RPS5: variants seen among roughly 807,000 people sequenced by gnomAD.
RPS5 encodes small ribosomal subunit protein uS7.
A neutral mutation model predicts 20.9 loss-of-function variants in RPS5; 2 were observed. The ratio of observed to expected loss-of-function variants is 0.10; its 90% confidence interval spans 0.04 to 0.30. RPS5 has a LOEUF of 0.30. Ranked by LOEUF, RPS5 falls within the 10% of genes least tolerant of loss-of-function variation. The pLI is 1.00. For synonymous variants in RPS5, 112 were observed against 105.8 expected (o/e 1.06, Z -0.36); for missense variants, 122 against 287.2 (o/e 0.42, Z 4.16).
At chr19:58,387,741 G>C (rs2052335545) in intron 1 of RPS5, 1 of 241,756 alleles carries the variant, frequency 4.1e-6, no homozygotes, top group Non-Finnish European at 8.4e-6. Flanking sequence ...GTCATATAAC[G>C]GTCCCGCCTC....
rs562012326 is a variant in RPS5, at chr19:58,393,100, T to C, written c.233T>C (p.Met78Thr). Residue 78 changes from methionine (M) to threonine (T), a missense_variant, in exon 3 of 6, where the codon ATG (methionine) becomes ACG (threonine). Transcript: ENST00000196551. Reference sequence around the variant, plus strand: ...GAGCGCCTCACTAACTCCATGATGATGCACGGCCGCAACAACGGCAAGAAG... The same window carrying C: ...GAGCGCCTCACTAACTCCATGATGACGCACGGCCGCAACAACGGCAAGAAG... ...IVERLTNSMM[M>T]HGRNNGKKLM... The C allele has an allele frequency of 6.2e-7, 1 of 1,614,222 alleles. No homozygotes were observed. The highest frequency in any genetic ancestry group is 1.3e-5 in the African/African-American group (1 of 75,066).
intron 2 of RPS5, among the ~76,000 whole-genome samples, chr19:58,392,164 G>A (rs887394201): frequency 6.6e-6 from 1 of 151,938 alleles, no homozygotes; most frequent in African/African-American, 2.4e-5. Context: ...TCTATTAAAA[G>A]TACAAAAAAT....
intron 4 of RPS5, 21 bp downstream of exon 4, chr19:58,393,508 C>T (rs143850866): frequency 3.6e-4 from 582 of 1,599,196 alleles, no homozygotes; most frequent in Middle Eastern, 6.0e-4. Context: ...GGCTTATGCA[C>T]GTGGCAGGGT....
At chr19:58,388,991 A>G (rs1166119112) in intron 2 of RPS5, among the ~76,000 whole-genome samples, 1 of 152,060 alleles carries the variant, frequency 6.6e-6, no homozygotes, top group African/African-American at 2.4e-5. Flanking sequence ...GTCTGTCTCT[A>G]TGCCAGTACC....
rs1398335254 is a variant in RPS5 at position 58,394,696 on chromosome 19, C to T, written c.561C>T (p.Ser187=). The T allele has an allele frequency of 1.9e-6, 3 of 1,614,038 alleles. No individual in the cohort carries two copies. The highest frequency in any genetic ancestry group is 1.7e-6 in the Non-Finnish European group (2 of 1,180,034). ...LINAAKGSSN[S]YAIKKKDELE... ...TCTCCTTGCAGGGCTCCTCGAACTC[C>T]TATGCCATTAAGAAGAAGGACGAGC... The change falls in exon 6 of 6, where the codon TCC becomes TCT. Residue 187 remains serine (S), a synonymous_variant. Transcript: ENST00000196551.
Position 58,394,524 on chromosome 19 carries a change from C to T in RPS5, c.475C>T (p.Arg159Cys). ...CATCTGGCTGCTGTGCACAGGCGCT[C>T]GTGAGGCTGCCTTCCGGAACATTAA... is the stretch of plus-strand genomic sequence containing the variant. Reference protein sequence around the residue: ...QAIWLLCTGAREAAFRNIKTI... With the variant: ...QAIWLLCTGACEAAFRNIKTI... Residue 159 changes from arginine to cysteine, a missense_variant, in exon 5 of 6, where the codon CGT becomes TGT. Transcript: ENST00000196551. 7 of 1,614,064 alleles carry T rather than the reference C, an allele frequency of 4.3e-6. No individual in the cohort carries two copies. Among genetic ancestry groups the T allele is most frequent in the South Asian group, 1.1e-5 (1 of 91,046 alleles).
intron 2 of RPS5, among the ~76,000 whole-genome samples, chr19:58,391,471 C>A (rs921822118): frequency 1.0e-4 from 15 of 144,994 alleles, no homozygotes; most frequent in African/African-American, 3.7e-4. Flanking sequence ...AGCATGGTGA[C>A]GCATGTCTGT....
chr19:58,387,745 C>A, intron 1 of RPS5: 1 of 248,260 alleles, frequency 4.0e-6, no homozygotes, highest in Non-Finnish European at 8.1e-6. Flanking sequence ...TATAACGGTC[C>A]CGCCTCACGG....
intron 4 of RPS5, 99 bp downstream of exon 4, chr19:58,393,586 T>C (rs2052377824): frequency 7.0e-7 from 1 of 1,431,498 alleles, no homozygotes; most frequent in Non-Finnish European, 9.4e-7. Context: ...CTGCATGTTT[T>C]ACCTGCAGCA....
intron 4 of RPS5, chr19:58,393,779 C>T: frequency 2.7e-6 from 1 of 364,782 alleles, no homozygotes; most frequent in East Asian, 4.6e-5. Context: ...CAGTTGCAGA[C>T]ATTTTGATTG....
chr19:58,391,386 C>G (rs1461773632), intron 2 of RPS5, among the ~76,000 whole-genome samples: 3 of 134,122 alleles, frequency 2.2e-5, no homozygotes, highest in Non-Finnish European at 4.6e-5. Flanking sequence ...GAGCTGAAAT[C>G]ATGCCATTGC....
intron 2 of RPS5, among the ~76,000 whole-genome samples, chr19:58,389,347 C>A (rs554296272): frequency 1.6e-4 from 25 of 152,080 alleles, no homozygotes; most frequent in Admixed American, 3.3e-4. Context: ...TCACAGTTCA[C>A]TGCAGCCTCA....
chr19:58,388,556 C>A (rs940779632), intron 2 of RPS5: 11 of 472,044 alleles, frequency 2.3e-5, no homozygotes, highest in African/African-American at 2.2e-4. Flanking sequence ...ATCCAGTTAT[C>A]CAGTACCATC....
intron 4 of RPS5, 146 bp downstream of exon 4, chr19:58,393,633 T>C: frequency 1.9e-6 from 2 of 1,027,338 alleles, no homozygotes; most frequent in East Asian, 2.6e-5. Flanking sequence ...ATTCCCACCC[T>C]GCATAGGGGC....
rs762497331 is a variant in RPS5, at chr19:58,393,365, C to T, written c.325C>T (p.Leu109=). ...ATATCCCCCTTCTCTCTAGAACCCT[C>T]TGCAGGTCCTGGTGAACGCCATCAT... The part of the protein sequence containing the change: ...IIHLLTGENP[L]QVLVNAIINS... Residue 109 remains leucine (L), a synonymous_variant, in exon 4 of 6, where the codon CTG becomes TTG. Transcript: ENST00000196551. 2 of 1,613,858 alleles carry T rather than the reference C, an allele frequency of 1.2e-6. No homozygotes were observed. Among genetic ancestry groups the T allele is most frequent in the Non-Finnish European group, 1.7e-6 (2 of 1,180,016 alleles).
At chr19:58,391,439 A>AAAAAAAC (rs1599933991) in intron 2 of RPS5, among the ~76,000 whole-genome samples, 1 of 148,738 alleles carries the variant, frequency 6.7e-6, no homozygotes, top group African/African-American at 2.6e-5. Context: ...TCTCAAAAAA[A>AAAAAAAC]AAAAAAAAAA....
intron 2 of RPS5, among the ~76,000 whole-genome samples, chr19:58,391,438 A>AC (rs1568574016): frequency 6.6e-6 from 1 of 150,406 alleles, no homozygotes; most frequent in Non-Finnish European, 1.5e-5. Context: ...ATCTCAAAAA[A>AC]AAAAAAAAAA....
At chr19:58,389,925 G>C (rs1157902741) in intron 2 of RPS5, among the ~76,000 whole-genome samples, 1 of 151,948 alleles carries the variant, frequency 6.6e-6, no homozygotes, top group South Asian at 2.1e-4. Context: ...ACAGAGTTTC[G>C]TTCTTGTCGC....
chr19:58,388,875 C>T (rs1275041145), intron 2 of RPS5, among the ~76,000 whole-genome samples: 2 of 152,014 alleles, frequency 1.3e-5, no homozygotes, highest in Middle Eastern at 3.2e-3. Context: ...GTGATCCGCC[C>T]GTCTCGGCCT....
Sources: allele counts gnomAD v4.1 joint callset (sites outside exome capture counted in the v4.1 genomes callset), GRCh38; gene constraint gnomAD v4.1.1; transcripts MANE v1.5; gene names NCBI Gene and HGNC (gene_info 2026-07-23, HGNC 2026-07-21).